PKIB: variants seen among roughly 807,000 people sequenced by gnomAD.
PKIB encodes PKI-beta.
PKIB carries 2 observed loss-of-function variants against 4.5 expected under a neutral mutation model. The observed-to-expected ratio is 0.44, with a 90% CI of 0.18 to 1.39. The LOEUF (loss-of-function observed/expected upper bound fraction) is 1.39, where lower values mean the gene tolerates loss of function less well. PKIB is among the 40% of genes most tolerant of loss of function. PKIB has a pLI of 0.27. For synonymous variants in PKIB, 38 were observed against 36.0 expected (o/e 1.06, Z -0.20); for missense variants, 94 against 92.6 (o/e 1.02, Z -0.06).
At chr6:122,612,860 C>T (rs9490494) in intron 1 of PKIB, among the ~76,000 whole-genome samples, 20,969 of 151,902 alleles carry the variant, frequency 0.14, 1,607 homozygotes, top group Non-Finnish European at 0.15. Context: ...TTTTAAGGAA[C>T]ACTATAGAGT....
At chr6:122,666,004 C>T (rs1777208313) in intron 2 of PKIB, among the ~76,000 whole-genome samples, 1 of 152,200 alleles carries the variant, frequency 6.6e-6, no homozygotes, top group Admixed American at 6.5e-5. Context: ...TTCACAACAT[C>T]CTGTGAAGTG....
At chr6:122,491,516 G>T (rs1006370661) in intron 2 of PKIB, among the ~76,000 whole-genome samples, 4 of 152,118 alleles carry the variant, frequency 2.6e-5, no homozygotes, top group African/African-American at 9.7e-5. Context: ...CTCATGCCTG[G>T]CTAGCTACCT....
At chr6:122,570,836 A>G (rs1330883503) in intron 2 of PKIB, among the ~76,000 whole-genome samples, 1 of 152,194 alleles carries the variant, frequency 6.6e-6, no homozygotes. Flanking sequence ...TGGTAATATG[A>G]CAAAAGAGAG....
Position 122,526,570 on chromosome 6 carries a change from A to G in PKIB, c.-248+48631A>G, listed in dbSNP as rs528344980. Among the ~76,000 whole-genome samples, 6 of 152,280 alleles carry G rather than the reference A, an allele frequency of 3.9e-5. No individual in the cohort carries two copies. In the South Asian group the frequency reaches 6.2e-4, roughly 16 times the overall value. ...ATGACTAGGAGTATTGTCAATGAAC[A>G]GTAATATTTTAAAACAAAATCTTTT... On this transcript the variant is annotated intron_variant, in intron 2 of 6. Transcript: ENST00000392491.
At chr6:122,689,764 G>C (rs1778246080) in intron 3 of PKIB, among the ~76,000 whole-genome samples, 1 of 152,170 alleles carries the variant, frequency 6.6e-6, no homozygotes. Context: ...ATATTTATCA[G>C]GTTCACTTGG....
At chr6:122,576,524 C>T (rs1430819577) in intron 2 of PKIB, among the ~76,000 whole-genome samples, 4 of 150,298 alleles carry the variant, frequency 2.7e-5, no homozygotes, top group Admixed American at 1.3e-4. Context: ...AAAAATTAGC[C>T]GGGCGTGGTG....
intron 2 of PKIB, among the ~76,000 whole-genome samples, chr6:122,550,328 C>T (rs1040932390): frequency 1.1e-4 from 16 of 152,132 alleles, no homozygotes; most frequent in African/African-American, 3.9e-4. Context: ...TGCTTCCCTT[C>T]CCTATTTCCT....
At chr6:122,632,510 T>C (rs1205419005) in intron 1 of PKIB, among the ~76,000 whole-genome samples, 1 of 152,182 alleles carries the variant, frequency 6.6e-6, no homozygotes, top group Non-Finnish European at 1.5e-5. Context: ...TAAATGAAAA[T>C]AACTAGGTTG....
At chr6:122,666,622 A>C (rs187062469) in intron 2 of PKIB, among the ~76,000 whole-genome samples, 42 of 152,162 alleles carry the variant, frequency 2.8e-4, no homozygotes, top group African/African-American at 1.0e-3. Flanking sequence ...AACAGACCAG[A>C]CTCCTTTGAG....
intron 1 of PKIB, among the ~76,000 whole-genome samples, chr6:122,611,087 G>A (rs1217916363): frequency 6.6e-6 from 1 of 152,234 alleles, no homozygotes; most frequent in African/African-American, 2.4e-5. Context: ...GTAAACTCAA[G>A]GGTCGCCCGT....
intron 2 of PKIB, among the ~76,000 whole-genome samples, chr6:122,580,145 A>G (rs1582712084): frequency 6.6e-6 from 1 of 152,148 alleles, no homozygotes; most frequent in Non-Finnish European, 1.5e-5. Context: ...TTGTTTTTCT[A>G]TCTTCAAAAA....
At chr6:122,671,393 G>T (rs113479272) in intron 2 of PKIB, among the ~76,000 whole-genome samples, 1 of 27,472 alleles carries the variant, frequency 3.6e-5, no homozygotes, top group African/African-American at 7.2e-5. Context: ...GTCTTATCTC[G>T]TGTTACAGTT....
intron 3 of PKIB, among the ~76,000 whole-genome samples, chr6:122,700,537 T>A (rs1456789564): frequency 6.6e-6 from 1 of 152,164 alleles, no homozygotes; most frequent in African/African-American, 2.4e-5. Flanking sequence ...ATTAGGATCT[T>A]TATTGCAACA....
chr6:122,519,997 C>T (rs994393908), intron 2 of PKIB, among the ~76,000 whole-genome samples: 1 of 152,142 alleles, frequency 6.6e-6, no homozygotes, highest in Non-Finnish European at 1.5e-5. Context: ...AAGATTCCCT[C>T]TAGGGTGCCA....
At position 122,582,545 on chromosome 6, in the gene PKIB, C is replaced by T. The variant is rs141328051; in HGVS notation, c.-247-3376C>T. 1.4e-3 allele frequency among the ~76,000 whole-genome samples: 215 copies of T among 152,158 alleles called. 1 individual carries two copies. The highest frequency in any genetic ancestry group is 4.8e-3 in the African/African-American group (198 of 41,540). On this transcript the variant is annotated intron_variant, in intron 2 of 6. Transcript: ENST00000392491. ...TAATGTTTGTATTATAAACATGTCC[C>T]TCAAAGAGGTTGAGCTAGAAATGGT...
chr6:122,667,827 G>C (rs1181673177), intron 2 of PKIB, among the ~76,000 whole-genome samples: 1 of 152,300 alleles, frequency 6.6e-6, no homozygotes, highest in East Asian at 1.9e-4. Context: ...GCTCTTTCCA[G>C]ATTGATCTGA....
At chr6:122,665,652 C>T (rs186898445) in intron 2 of PKIB, among the ~76,000 whole-genome samples, 140 of 151,502 alleles carry the variant, frequency 9.2e-4, no homozygotes, top group Middle Eastern at 3.4e-3. Context: ...AGGAAACAGA[C>T]GTTAGGGAAA....
chr6:122,504,589 CAG>C (rs2114566117), intron 2 of PKIB, among the ~76,000 whole-genome samples: 1 of 152,252 alleles, frequency 6.6e-6, no homozygotes, highest in Admixed American at 6.5e-5. Context: ...CCTGGATGCT[CAG>C]AGATATTTTC....
chr6:122,585,657 G>A (rs191547233), intron 2 of PKIB: 146 of 152,184 alleles, frequency 9.6e-4, no homozygotes, highest in African/African-American at 3.4e-3. Context: ...AATTATGTAA[G>A]TGAACACTGC....
Sources: allele counts gnomAD v4.1 joint callset (sites outside exome capture counted in the v4.1 genomes callset), GRCh38; gene constraint gnomAD v4.1.1; transcripts MANE v1.5; gene names NCBI Gene and HGNC (gene_info 2026-07-23, HGNC 2026-07-21).